The following OR52N1 variants were observed in gnomAD, a reference collection of about 807,000 sequenced individuals.
OR52N1 encodes the protein olfactory receptor family 52 subfamily N member 1.
OR52N1 carries 11 observed loss-of-function variants against 13.9 expected under a neutral mutation model. The ratio of observed to expected loss-of-function variants is 0.79; its 90% CI spans 0.50 to 1.31. The LOEUF is 1.31. Ranked by LOEUF, OR52N1 falls within the 40% of genes most tolerant of loss-of-function variation. The probability of loss-of-function intolerance (pLI) is 0.00; values close to 1 mark genes in which losing one functional copy is unlikely to be tolerated. For missense variants in OR52N1, 414 were observed against 397.7 expected, an observed-to-expected ratio of 1.04 and a Z score of -0.35; for synonymous variants, 142 against 143.7, an observed-to-expected ratio of 0.99 and a Z score of 0.08.
In OR52N1 at chr11:5,790,234, C is replaced by T. The variant is rs191701531; in HGVS notation, c.-45+877G>A. ...GTGTCTTTTATAAAATTTTTATGTC[C>T]TTATTTTATGAAATATTAGGGCTGT... On this transcript the variant is annotated intron_variant, in intron 1 of 1. Coordinates refer to ENST00000641645, the MANE Select transcript of OR52N1 (RefSeq NM_001001913.2). Among the ~76,000 whole-genome samples the T allele has an allele frequency of 1.2e-4, 18 of 151,994 alleles. No homozygotes were observed. The East Asian group carries it at 3.3e-3, about 28-fold the overall frequency.
intron 1 of OR52N1, among the ~76,000 whole-genome samples, chr11:5,790,319 G>A (rs1854642956): frequency 6.6e-6 from 1 of 151,958 alleles, no homozygotes; most frequent in Non-Finnish European, 1.5e-5. Context: ...TTACTATCAT[G>A]TGAAATAGAG....
At chr11:5,789,821 G>A (rs1161639550) in intron 1 of OR52N1, among the ~76,000 whole-genome samples, 1 of 152,120 alleles carries the variant, frequency 6.6e-6, no homozygotes, top group Non-Finnish European at 1.5e-5. Flanking sequence ...CAGAAGAACA[G>A]GCAGTGGTAG....
Position 5,788,274 on chromosome 11 carries a change from A to G in OR52N1, c.543T>C (p.Cys181=). Residue 181 remains cysteine (C), a synonymous_variant, in exon 2 of 2, where the codon TGT becomes TGC. Coordinates refer to ENST00000641645, the MANE Select transcript of OR52N1 (RefSeq NM_001001913.2). The stretch of plus-strand genomic sequence containing the variant: ...ATATCTTGGCCACAGACATGTGGTC[A>G]CAGTAGGTGTGGGGTATGACGTTGC... ...CKGNVIPHTY[C]DHMSVAKISC... 6.2e-7 allele frequency: 1 copy of G among 1,614,096 alleles called. No homozygotes were observed. Among genetic ancestry groups the G allele is most frequent in the Middle Eastern group, 1.7e-4 (1 of 6,058 alleles).
In OR52N1 at chr11:5,788,282, T is replaced by C. The variant is rs923707744; in HGVS notation, c.535A>G (p.Thr179Ala). 2.5e-6 allele frequency: 4 copies of C among 1,613,924 alleles called. No individual in the cohort carries two copies. Among genetic ancestry groups the C allele is most frequent in the Admixed American group, 1.7e-5 (1 of 59,960 alleles). ...GCCACAGACATGTGGTCACAGTAGG[T>C]GTGGGGTATGACGTTGCCCTTGCAG... ...PYCKGNVIPH[T>A]YCDHMSVAKI... The change falls in exon 2 of 2, where the codon ACC becomes GCC. Residue 179 changes from threonine to alanine, a missense_variant. By Grantham distance (58) the Thr-to-Ala change is moderately conservative. Coordinates refer to ENST00000641645, the MANE Select transcript of OR52N1 (RefSeq NM_001001913.2).
Position 5,787,667 on chromosome 11 carries a change from G to T in OR52N1, c.*187C>A. The T allele has an allele frequency of 1.9e-6, 1 of 533,386 alleles. No homozygotes were observed. Among genetic ancestry groups the T allele is most frequent in the Non-Finnish European group, 3.2e-6 (1 of 313,024 alleles). The allele number at this position is 533,386 out of a possible 1,614,324, so 33.0% of individuals were successfully genotyped here. A position where few individuals can be genotyped will look rare whatever the true frequency, so the allele number is the denominator to read the frequency against. On this transcript the variant is annotated 3_prime_UTR_variant, in exon 2 of 2. Transcript: ENST00000641645. ...TCCTCTATAGTAAAAAGGCTTTAAA[G>T]AACATGGAATAACATAAGAGAGGGT...
intron 1 of OR52N1, among the ~76,000 whole-genome samples, chr11:5,789,655 T>C (rs1564965903): frequency 6.6e-6 from 1 of 152,146 alleles, no homozygotes; most frequent in Non-Finnish European, 1.5e-5. Flanking sequence ...CATAGTGCTT[T>C]ATATTCTACC....
intron 1 of OR52N1, among the ~76,000 whole-genome samples, chr11:5,789,466 C>T (rs954355406): frequency 1.3e-5 from 2 of 151,868 alleles, no homozygotes; most frequent in Non-Finnish European, 2.9e-5. Context: ...AGCAAAAGAC[C>T]ACTTGTTTTA....
intron 1 of OR52N1, among the ~76,000 whole-genome samples, chr11:5,790,191 G>C (rs1437812222): frequency 6.6e-6 from 1 of 152,004 alleles, no homozygotes; most frequent in Non-Finnish European, 1.5e-5. Flanking sequence ...TATAAAACTG[G>C]CTATCCTATT....
rs148179286 is a variant in OR52N1, at chr11:5,787,648, A to C, written c.*206T>G. 6.1e-4 allele frequency: 276 copies of C among 450,728 alleles called. 37 individuals are homozygous for C. Among genetic ancestry groups the C allele is most frequent in the African/African-American group, 5.2e-3 (250 of 47,994 alleles). The allele number at this position is 450,728 out of a possible 1,614,324, so 27.9% of individuals were successfully genotyped here. A position where few individuals can be genotyped will look rare whatever the true frequency, so the allele number is the denominator to read the frequency against. On this transcript the variant is annotated 3_prime_UTR_variant, in exon 2 of 2. Transcript: ENST00000641645. Reference sequence around the variant, plus strand: ...AATGCAGTGAACTTCGAAGTCCTCTATAGTAAAAAGGCTTTAAAGAACATG... The same window carrying C: ...AATGCAGTGAACTTCGAAGTCCTCTCTAGTAAAAAGGCTTTAAAGAACATG...
rs1480789641 is a variant in OR52N1, at chr11:5,788,406, G to A, written c.411C>T (p.Ile137=). Residue 137 remains isoleucine (I), a synonymous_variant, in exon 2 of 2, where the codon ATC becomes ATT. Coordinates refer to ENST00000641645, the MANE Select transcript of OR52N1 (RefSeq NM_001001913.2). The part of the protein sequence containing the change: ...AICFPLRYAT[I]LTNSVIAKAG... ...CTTTAGCAATGACTGAATTAGTGAG[G>A]ATGGTGGCATAACGCAGAGGGAAGC... 6.2e-7 allele frequency: 1 copy of A among 1,614,054 alleles called. No individual in the cohort carries two copies. Among genetic ancestry groups the A allele is most frequent in the Admixed American group, 1.7e-5 (1 of 59,990 alleles).
Position 5,788,096 on chromosome 11 carries a change from T to G in OR52N1, c.721A>C (p.Ser241Arg). The G allele has an allele frequency of 6.2e-7, 1 of 1,614,038 alleles. No homozygotes were observed. Among genetic ancestry groups the G allele is most frequent in the East Asian group, 2.2e-5 (1 of 44,866 alleles). ...SSADARQKAF[S>R]TCTAHFCAIV... is the part of the protein sequence containing the mutation. The stretch of plus-strand genomic sequence containing the variant: ...GCACAGAAGTGGGCAGTGCAGGTGC[T>G]GAAGGCCTTCTGTCGAGCATCTGCT... The change falls in exon 2 of 2, where the codon AGC (serine) becomes CGC (arginine). Residue 241 changes from serine to arginine, a missense_variant. Coordinates refer to ENST00000641645, the MANE Select transcript of OR52N1 (RefSeq NM_001001913.2).
At position 5,787,689 on chromosome 11, in the gene OR52N1, G is replaced by C. The variant is rs1327617837; in HGVS notation, c.*165C>G. On this transcript the variant is annotated 3_prime_UTR_variant, in exon 2 of 2. Transcript: ENST00000641645. ...AAAGAACATGGAATAACATAAGAGA[G>C]GGTATTTACCTATTTGAACATGATG... is the stretch of plus-strand genomic sequence containing the variant. 9.7e-6 allele frequency: 6 copies of C among 618,956 alleles called. No individual in the cohort carries two copies. Among genetic ancestry groups the C allele is most frequent in the Non-Finnish European group, 1.6e-5 (6 of 371,810 alleles). The allele number at this position is 618,956 out of a possible 1,614,324, so 38.3% of individuals were successfully genotyped here.
chr11:5,788,691 T>C lies in OR52N1; in HGVS notation c.126A>G (p.Thr42=). The change falls in exon 2 of 2, where the codon ACA becomes ACG. Residue 42 remains threonine (T), a synonymous_variant. Transcript: ENST00000641645. Reference sequence around the variant, plus strand: ...TGAGGTACATAAGGCCGAAGTTCCCTGTAATAGCAATGCTGTACATGGTAC... The same window carrying C: ...TGAGGTACATAAGGCCGAAGTTCCCCGTAATAGCAATGCTGTACATGGTAC... ...PLCTMYSIAI[T]GNFGLMYLIY... is the part of the protein sequence containing the mutation. 1 of 1,613,938 alleles carries C rather than the reference T, an allele frequency of 6.2e-7. No homozygotes were observed. Among genetic ancestry groups the C allele is most frequent in the Non-Finnish European group, 8.5e-7 (1 of 1,179,952 alleles).
chr11:5,789,258 T>C (rs1002222468), intron 1 of OR52N1, among the ~76,000 whole-genome samples: 1 of 152,198 alleles, frequency 6.6e-6, no homozygotes, highest in Non-Finnish European at 1.5e-5. Flanking sequence ...ACCTTTCAAA[T>C]TAAATCTGTC....
chr11:5,788,442 A>G lies in OR52N1; in HGVS notation c.375T>C (p.Cys125=), dbSNP rs1284527695. The G allele has an allele frequency of 6.2e-7, 1 of 1,614,106 alleles. No homozygotes were observed. The highest frequency in any genetic ancestry group is 8.5e-7 in the Non-Finnish European group (1 of 1,179,990). Residue 125 remains cysteine, a synonymous_variant, in exon 2 of 2, where the codon TGT becomes TGC. Coordinates refer to ENST00000641645, the MANE Select transcript of OR52N1 (RefSeq NM_001001913.2). ...AACGCAGAGGGAAGCAGATGGCCACACAGTGGTCCAGGGCCATGAGCATGA... is the reference window on the plus strand; with the variant it reads ...AACGCAGAGGGAAGCAGATGGCCACGCAGTGGTCCAGGGCCATGAGCATGA... ...GVLMLMALDH[C]VAICFPLRYA... is the part of the protein sequence containing the mutation.
At position 5,789,811 on chromosome 11, in the gene OR52N1, CAGA is replaced by C. The variant is rs1301390572; in HGVS notation, c.-44-954_-44-952del. ...TGTTCAATACGTTTTTCAAGGCCCACAGAAGAACAGGCAGTGGTAGAACAAGGA... is the reference window on the plus strand; with the variant it reads ...TGTTCAATACGTTTTTCAAGGCCCACAGAACAGGCAGTGGTAGAACAAGGA... On this transcript the variant is annotated intron_variant, in intron 1 of 1. Transcript: ENST00000641645. Among the ~76,000 whole-genome samples, 5 of 152,172 alleles carry C rather than the reference CAGA, an allele frequency of 3.3e-5. No homozygotes were observed. In the South Asian group the frequency reaches 6.2e-4, roughly 19 times the overall value.
At chr11:5,789,559 T>G (rs1248678349) in intron 1 of OR52N1, among the ~76,000 whole-genome samples, 1 of 152,218 alleles carries the variant, frequency 6.6e-6, no homozygotes, top group African/African-American at 2.4e-5. Flanking sequence ...AAGATTACAG[T>G]CTAGTCTAAT....
chr11:5,787,819 A>G lies in OR52N1; in HGVS notation c.*35T>C. The G allele has an allele frequency of 7.0e-7, 1 of 1,437,916 alleles. No individual in the cohort carries two copies. Among genetic ancestry groups the G allele is most frequent in the Non-Finnish European group, 9.3e-7 (1 of 1,073,270 alleles). 89.1% of individuals were successfully genotyped at this position (1,437,916 alleles called of 1,614,324 possible). Reference sequence around the variant, plus strand: ...GCTCCCTATTGACTTGGTGATCTCAACCTGGCTAAGAAAATTCTAACATCT... The same window carrying G: ...GCTCCCTATTGACTTGGTGATCTCAGCCTGGCTAAGAAAATTCTAACATCT... On this transcript the variant is annotated 3_prime_UTR_variant, in exon 2 of 2. Transcript: ENST00000641645.
Position 5,788,844 on chromosome 11 carries a change from C to T in OR52N1, c.-28G>A, listed in dbSNP as rs1564965674. 1.3e-6 allele frequency: 2 copies of T among 1,555,464 alleles called. No homozygotes were observed. Among genetic ancestry groups the T allele is most frequent in the Non-Finnish European group, 1.7e-6 (2 of 1,157,164 alleles). ...TGACTGTTGGAAGTTCATTGTATAG[C>T]AGTTATAGCATTGCCTCTGTGAGCA... On this transcript the variant is annotated 5_prime_UTR_variant, in exon 2 of 2. Transcript: ENST00000641645.
Sources: gnomAD v4.1 joint callset for allele counts (sites outside exome capture counted in the v4.1 genomes callset) on GRCh38, gnomAD v4.1.1 for gene constraint, MANE v1.5 for transcripts, NCBI Gene and HGNC (gene_info 2026-07-23, HGNC 2026-07-21) for gene names.